Variants in HAPSTR1 observed in about 807,000 individuals in gnomAD.
HAPSTR1 encodes HUWE1-associated protein modifying stress responses 1.
the HAPSTR1 span, chr16:9,092,064 A>C: frequency 6.5e-7 from 1 of 1,528,518 alleles, no homozygotes; most frequent in Non-Finnish European, 8.8e-7. Flanking sequence ...CGGAAGGAGG[A>C]GGGCGAGGCC....
the HAPSTR1 span, among the ~76,000 whole-genome samples, chr16:9,095,819 A>G: frequency 6.6e-6 from 1 of 152,240 alleles, no homozygotes; most frequent in Non-Finnish European, 1.5e-5. Flanking sequence ...GGTTACCTCT[A>G]CTGTAAATAG....
chr16:9,109,708 C>G, the HAPSTR1 span: 1 of 152,092 alleles, frequency 6.6e-6, no homozygotes, highest in South Asian at 2.1e-4. Flanking sequence ...ATGTTTAAAA[C>G]AAGTTTAAAA....
chr16:9,091,978 C>G, the HAPSTR1 span: 1 of 1,306,592 alleles, frequency 7.7e-7, no homozygotes, highest in Non-Finnish European at 9.9e-7. Context: ...CGACGACGCT[C>G]CCGCGGGGGC....
chr16:9,117,709 G>A, the HAPSTR1 span: 1 of 152,426 alleles, frequency 6.6e-6, no homozygotes, highest in African/African-American at 2.4e-5. Flanking sequence ...GACTGCATTC[G>A]AGGTGACCTA....
At chr16:9,113,304 C>T in the HAPSTR1 span, 1 of 152,196 alleles carries the variant, frequency 6.6e-6, no homozygotes, top group South Asian at 2.1e-4. Context: ...GATCATATTG[C>T]ACATTAAAGT....
At chr16:9,104,529 T>G in the HAPSTR1 span, 1 of 152,212 alleles carries the variant, frequency 6.6e-6, no homozygotes, top group Non-Finnish European at 1.5e-5. Flanking sequence ...CATTGAGACT[T>G]TATAATACCT....
At chr16:9,102,117 A>G in the HAPSTR1 span, among the ~76,000 whole-genome samples, 1 of 152,244 alleles carries the variant, frequency 6.6e-6, no homozygotes, top group African/African-American at 2.4e-5. Flanking sequence ...CTCAAAAAAT[A>G]AAATAAAACG....
the HAPSTR1 span, chr16:9,091,992 G>T: frequency 3.5e-6 from 5 of 1,427,420 alleles, no homozygotes; most frequent in South Asian, 7.1e-5. Flanking sequence ...CGGGGGCCCC[G>T]CCTGAGGAGG....
At chr16:9,096,422 A>G in the HAPSTR1 span, among the ~76,000 whole-genome samples, 33 of 152,194 alleles carry the variant, frequency 2.2e-4, no homozygotes, top group Non-Finnish European at 4.1e-4. Context: ...AGTAAATGTA[A>G]GTAGAATTGA....
At chr16:9,115,192 G>A in the HAPSTR1 span, among the ~76,000 whole-genome samples, 1 of 152,136 alleles carries the variant, frequency 6.6e-6, no homozygotes, top group African/African-American at 2.4e-5. Flanking sequence ...GGAGGGGAAC[G>A]CCAAGGGGAA....
At chr16:9,091,971 C>G in the HAPSTR1 span, 3 of 1,261,922 alleles carry the variant, frequency 2.4e-6, no homozygotes, top group Admixed American at 4.1e-5. Flanking sequence ...CGCTTGACGA[C>G]GACGCTCCCG....
the HAPSTR1 span, among the ~76,000 whole-genome samples, chr16:9,095,472 T>G: frequency 1.3e-5 from 2 of 152,180 alleles, no homozygotes; most frequent in Non-Finnish European, 2.9e-5. Context: ...TGGATACTTC[T>G]AAGTGGGCAG....
chr16:9,092,860 C>A, the HAPSTR1 span: 1 of 1,436,796 alleles, frequency 7.0e-7, no homozygotes, highest in Non-Finnish European at 9.5e-7. Context: ...CTCTTTCTTT[C>A]TCTTTCTATG....
the HAPSTR1 span, chr16:9,116,598 AAAGT>A: frequency 6.4e-6 from 10 of 1,555,106 alleles, no homozygotes; most frequent in African/African-American, 1.4e-5. Context: ...GACAACATGG[AAAGT>A]AAGTGGGTTG....
At chr16:9,114,916 A>G in the HAPSTR1 span, among the ~76,000 whole-genome samples, 2 of 152,194 alleles carry the variant, frequency 1.3e-5, no homozygotes, top group African/African-American at 2.4e-5. Flanking sequence ...TAATGCTTCT[A>G]TTTTTTAATA....
the HAPSTR1 span, among the ~76,000 whole-genome samples, chr16:9,100,151 G>A: frequency 2.0e-5 from 3 of 152,202 alleles, no homozygotes; most frequent in Admixed American, 6.5e-5. Flanking sequence ...ATGACTTCTA[G>A]TGTGCTCATA....
the HAPSTR1 span, chr16:9,092,254 G>A: frequency 8.3e-6 from 13 of 1,569,126 alleles, no homozygotes; most frequent in African/African-American, 1.4e-5. Flanking sequence ...CCACCGCCGT[G>A]GCCCAGCTCT....
At chr16:9,106,111 C>T in the HAPSTR1 span, 1 of 152,112 alleles carries the variant, frequency 6.6e-6, no homozygotes, top group Non-Finnish European at 1.5e-5. Context: ...CAGCTTTAAT[C>T]AAAAGTATAT....
the HAPSTR1 span, among the ~76,000 whole-genome samples, chr16:9,092,654 A>G: frequency 0.025 from 3,145 of 127,760 alleles, 88 homozygotes; most frequent in East Asian, 0.11. Context: ...GGGGACTGCC[A>G]GGGGGGGCGC....
Sources: gnomAD v4.1 joint callset for allele counts (sites outside exome capture counted in the v4.1 genomes callset) on GRCh38, gnomAD v4.1.1 for gene constraint, MANE v1.5 for transcripts, NCBI Gene and HGNC (gene_info 2026-07-23, HGNC 2026-07-21) for gene names.